TNFSF4: variants seen among roughly 807,000 people sequenced by gnomAD.
The protein encoded by TNFSF4 is tumor necrosis factor ligand superfamily member 4.
Under a neutral mutation model 7.3 loss-of-function variants are expected in TNFSF4, and 4 were observed. The observed-to-expected ratio is 0.55, with a 90% confidence interval of 0.27 to 1.25. The LOEUF is 1.25. TNFSF4 is among the 50% of genes most tolerant of loss of function. The pLI is 0.12. For synonymous variants in TNFSF4, 76 were observed against 83.7 expected (o/e 0.91, Z 0.50); for missense variants, 181 against 208.8 (o/e 0.87, Z 0.82).
chr1:173,236,971 TC>T, the TNFSF4 span, among the ~76,000 whole-genome samples: 1 of 152,174 alleles, frequency 6.6e-6, no homozygotes, highest in Non-Finnish European at 1.5e-5. Flanking sequence ...TCCCCACATG[TC>T]AAGGGTAGAG....
At chr1:173,395,196 G>C in the TNFSF4 span, among the ~76,000 whole-genome samples, 24 of 150,888 alleles carry the variant, frequency 1.6e-4, no homozygotes, top group African/African-American at 5.6e-4. Flanking sequence ...TTGGTTCCAG[G>C]GTTCTGGAAT....
At chr1:173,384,309 A>C in the TNFSF4 span, among the ~76,000 whole-genome samples, 3 of 152,210 alleles carry the variant, frequency 2.0e-5, no homozygotes, top group Non-Finnish European at 4.4e-5. Context: ...AGAAATAAAA[A>C]GTACAGTAGA....
At chr1:173,191,459 C>G (rs945473759) in intron 1 of TNFSF4, among the ~76,000 whole-genome samples, 1 of 152,220 alleles carries the variant, frequency 6.6e-6, no homozygotes, top group African/African-American at 2.4e-5. Context: ...CATCTTCCCC[C>G]TCATCCTCCA....
chr1:173,231,376 C>T, the TNFSF4 span, among the ~76,000 whole-genome samples: 1 of 152,146 alleles, frequency 6.6e-6, no homozygotes, highest in Non-Finnish European at 1.5e-5. Flanking sequence ...GCAGAAAAGG[C>T]CTTTGACAAA....
chr1:173,306,798 A>AT, the TNFSF4 span, among the ~76,000 whole-genome samples: 2 of 151,868 alleles, frequency 1.3e-5, no homozygotes, highest in Non-Finnish European at 2.9e-5. Flanking sequence ...CTCAAGGGAA[A>AT]TTCAAGCTTC....
the TNFSF4 span, among the ~76,000 whole-genome samples, chr1:173,313,464 T>C: frequency 6.6e-6 from 1 of 152,100 alleles, no homozygotes; most frequent in Admixed American, 6.6e-5. Flanking sequence ...ACCTTTAATT[T>C]TGCCACATCC....
At chr1:173,403,428 C>A in the TNFSF4 span, among the ~76,000 whole-genome samples, 1 of 152,196 alleles carries the variant, frequency 6.6e-6, no homozygotes, top group Non-Finnish European at 1.5e-5. Flanking sequence ...GTGTCTGGGT[C>A]TTTTCTAGAA....
chr1:173,271,129 C>T, the TNFSF4 span, among the ~76,000 whole-genome samples: 3 of 152,056 alleles, frequency 2.0e-5, no homozygotes, highest in Admixed American at 2.0e-4. Context: ...TTTTGCTGTG[C>T]AGAAGCTCTT....
intron 1 of TNFSF4, among the ~76,000 whole-genome samples, chr1:173,194,547 T>C (rs777342975): frequency 5.3e-5 from 8 of 151,940 alleles, no homozygotes; most frequent in Non-Finnish European, 1.0e-4. Flanking sequence ...TAATTATTAA[T>C]AGTTGGAAGA....
At chr1:173,288,750 T>A in the TNFSF4 span, among the ~76,000 whole-genome samples, 1 of 151,908 alleles carries the variant, frequency 6.6e-6, no homozygotes, top group Admixed American at 6.6e-5. Flanking sequence ...AATTCATGGG[T>A]TAAAATAAAA....
the TNFSF4 span, among the ~76,000 whole-genome samples, chr1:173,373,698 G>A: frequency 6.6e-6 from 1 of 152,312 alleles, no homozygotes; most frequent in Non-Finnish European, 1.5e-5. Context: ...ACAAAGAATA[G>A]GGCACTATCC....
chr1:173,246,413 C>T, the TNFSF4 span, among the ~76,000 whole-genome samples: 1 of 152,132 alleles, frequency 6.6e-6, no homozygotes, highest in African/African-American at 2.4e-5. Flanking sequence ...TGGGTATATA[C>T]TCAAAGGATT....
At chr1:173,380,985 G>A in the TNFSF4 span, among the ~76,000 whole-genome samples, 1 of 152,106 alleles carries the variant, frequency 6.6e-6, no homozygotes, top group African/African-American at 2.4e-5. Context: ...ATTGCCCAAG[G>A]AAATCAGACC....
the TNFSF4 span, among the ~76,000 whole-genome samples, chr1:173,245,650 C>T: frequency 3.9e-5 from 6 of 152,062 alleles, no homozygotes; most frequent in African/African-American, 1.4e-4. Context: ...TATTGTTAAC[C>T]ATAGTCACCC....
At chr1:173,274,151 A>G in the TNFSF4 span, among the ~76,000 whole-genome samples, 3 of 151,786 alleles carry the variant, frequency 2.0e-5, no homozygotes, top group Non-Finnish European at 4.4e-5. Context: ...ACACACACAC[A>G]CACTCTGTAT....
the TNFSF4 span, among the ~76,000 whole-genome samples, chr1:173,244,159 T>C: frequency 1.3e-5 from 2 of 152,202 alleles, no homozygotes; most frequent in Non-Finnish European, 2.9e-5. Context: ...TCTATCGTTT[T>C]GGGAGTTACA....
At chr1:173,412,608 C>A in the TNFSF4 span, among the ~76,000 whole-genome samples, 3 of 152,096 alleles carry the variant, frequency 2.0e-5, no homozygotes. Context: ...GGACTCATAT[C>A]CAAAATAAAG....
At chr1:173,416,600 TTTTTTA>T in the TNFSF4 span, among the ~76,000 whole-genome samples, 1 of 36,930 alleles carries the variant, frequency 2.7e-5, no homozygotes, top group African/African-American at 7.3e-5. Context: ...TAAATGTTAT[TTTTTTA>T]TTTTTATTTA....
chr1:173,346,109 C>G, the TNFSF4 span, among the ~76,000 whole-genome samples: 5 of 152,160 alleles, frequency 3.3e-5, no homozygotes, highest in African/African-American at 1.2e-4. Flanking sequence ...TCCACCCCTC[C>G]CCATCCACTG....
Sources: allele counts gnomAD v4.1 joint callset (sites outside exome capture counted in the v4.1 genomes callset), GRCh38; gene constraint gnomAD v4.1.1; transcripts MANE v1.5; gene names NCBI Gene and HGNC (gene_info 2026-07-23, HGNC 2026-07-21).